The following IMMP2L variants were observed in gnomAD, a reference collection of about 807,000 sequenced individuals.
IMMP2L encodes the protein mitochondrial inner membrane protease subunit 2.
Under a neutral mutation model 19.3 loss-of-function variants are expected in IMMP2L, and 18 were observed. The observed-to-expected ratio is 0.93, with a 90% CI of 0.64 to 1.38. IMMP2L has a LOEUF of 1.38. Among genes scored for constraint, IMMP2L ranks in the 40% most tolerant of loss-of-function variants. The probability of loss-of-function intolerance (pLI) is 0.00; values close to 1 mark genes in which losing one functional copy is unlikely to be tolerated. For missense variants in IMMP2L, 233 were observed against 218.2 expected, an observed-to-expected ratio of 1.07 and a Z score of -0.43; for synonymous variants, 76 against 73.0, an observed-to-expected ratio of 1.04 and a Z score of -0.21.
intron 5 of IMMP2L, among the ~76,000 whole-genome samples, chr7:110,734,336 C>A (rs1796475575): frequency 6.6e-6 from 1 of 152,166 alleles, no homozygotes; most frequent in African/African-American, 2.4e-5. Flanking sequence ...AACAGCCATT[C>A]TTGTGATAGC....
chr7:111,446,083 G>C, intron 3 of IMMP2L, among the ~76,000 whole-genome samples: 1 of 151,858 alleles, frequency 6.6e-6, no homozygotes, highest in South Asian at 2.1e-4. Context: ...CTGATTGCTA[G>C]CACAGCAGTC....
chr7:111,157,763 G>C (rs1395844634), intron 3 of IMMP2L, among the ~76,000 whole-genome samples: 4 of 152,010 alleles, frequency 2.6e-5, no homozygotes, highest in Non-Finnish European at 4.4e-5. Flanking sequence ...ATAAATGCTT[G>C]AGGTAATCGA....
At chr7:110,741,126 T>C (rs1185415404) in intron 5 of IMMP2L, among the ~76,000 whole-genome samples, 2 of 152,132 alleles carry the variant, frequency 1.3e-5, no homozygotes, top group Non-Finnish European at 2.9e-5. Context: ...AAAATGTTTA[T>C]ATATACCATG....
chr7:110,691,854 G>C, intron 5 of IMMP2L, among the ~76,000 whole-genome samples: 2 of 152,206 alleles, frequency 1.3e-5, no homozygotes, highest in Non-Finnish European at 2.9e-5. Flanking sequence ...TCAACTGATA[G>C]TGGGAATGTA....
chr7:110,858,306 C>G (rs183046685), intron 5 of IMMP2L, among the ~76,000 whole-genome samples: 69 of 152,162 alleles, frequency 4.5e-4, no homozygotes, highest in African/African-American at 1.5e-3. Context: ...TACAGTAGGT[C>G]TAGATTAATA....
At chr7:111,225,291 A>G (rs1470652624) in intron 3 of IMMP2L, among the ~76,000 whole-genome samples, 1 of 152,154 alleles carries the variant, frequency 6.6e-6, no homozygotes, top group Non-Finnish European at 1.5e-5. Flanking sequence ...GTTATAAGAA[A>G]GCCTTATATT....
chr7:110,855,523 C>A (rs1806670662), intron 5 of IMMP2L, among the ~76,000 whole-genome samples: 1 of 151,910 alleles, frequency 6.6e-6, no homozygotes, highest in African/African-American at 2.4e-5. Context: ...AATGATCTTC[C>A]AAATTTCTCT....
intron 5 of IMMP2L, among the ~76,000 whole-genome samples, chr7:110,885,970 T>C (rs1220705286): frequency 6.6e-6 from 1 of 152,112 alleles, no homozygotes; most frequent in Non-Finnish European, 1.5e-5. Context: ...CAATTAGGTC[T>C]CTTTGTTCAA....
intron 2 of IMMP2L, among the ~76,000 whole-genome samples, chr7:111,511,490 C>T (rs1158087157): frequency 1.3e-5 from 2 of 151,570 alleles, no homozygotes; most frequent in Non-Finnish European, 2.9e-5. Context: ...ACCAAAAATA[C>T]CAAATAAAAT....
Position 111,562,307 on chromosome 7 carries a change from C to G in IMMP2L, c.-459G>C, listed in dbSNP as rs987764495. 1 of 152,192 alleles carries G rather than the reference C, an allele frequency of 6.6e-6. No homozygotes were observed. The highest frequency in any genetic ancestry group is 2.4e-5 in the African/African-American group (1 of 41,424). The allele number at this position is 152,192 out of a possible 1,614,324, so 9.4% of individuals were successfully genotyped here. ...CTCGCGGCCGCGCACCCCTCCGCCT[C>G]CCGGCAACGCCCGCCCCGCCGGGGC... On this transcript the variant is annotated 5_prime_UTR_variant, in exon 1 of 6. Coordinates refer to ENST00000405709, the MANE Select transcript of IMMP2L (RefSeq NM_032549.4).
chr7:110,865,845 C>G (rs115597534), intron 5 of IMMP2L, among the ~76,000 whole-genome samples: 1 of 151,214 alleles, frequency 6.6e-6, no homozygotes, highest in African/African-American at 2.4e-5. Context: ...ATTCTCCAAA[C>G]TAATTTTTTT....
chr7:110,745,433 C>T (rs4730458), intron 5 of IMMP2L, among the ~76,000 whole-genome samples: 151,969 of 152,056 alleles, frequency 1, 75,941 homozygotes, highest in Middle Eastern at 1. Context: ...AAGAGCAACT[C>T]CAAGACACAT....
intron 3 of IMMP2L, among the ~76,000 whole-genome samples, chr7:111,119,411 C>T (rs1457779555): frequency 6.6e-6 from 1 of 152,160 alleles, no homozygotes; most frequent in Non-Finnish European, 1.5e-5. Flanking sequence ...TGTTTTCCCT[C>T]TAGCTATTAA....
intron 3 of IMMP2L, among the ~76,000 whole-genome samples, chr7:111,469,618 C>T (rs112008851): frequency 6.9e-4 from 105 of 151,980 alleles, no homozygotes; most frequent in African/African-American, 1.7e-3. Flanking sequence ...AAACAAGCAA[C>T]GGGGAAAGGA....
chr7:110,804,158 C>T (rs552339212), intron 5 of IMMP2L, among the ~76,000 whole-genome samples: 16 of 151,998 alleles, frequency 1.1e-4, no homozygotes, highest in Non-Finnish European at 2.2e-4. Context: ...TTATCATCTC[C>T]AAACACCCAG....
rs181252209 is a variant in IMMP2L, at chr7:111,355,069, C to G, written c.239+132169G>C. Among the ~76,000 whole-genome samples the G allele has an allele frequency of 2.6e-3, 400 of 151,966 alleles. 3 individuals carry two copies. Among genetic ancestry groups the G allele is most frequent in the African/African-American group, 9.4e-3 (392 of 41,542 alleles). On this transcript the variant is annotated intron_variant, in intron 3 of 5. Transcript: ENST00000405709. Reference sequence around the variant, plus strand: ...TGAATTTAGTTTTTCCCAAGGTAATCTTTAGCAGCAGCATCCATGAATAAC... The same window carrying G: ...TGAATTTAGTTTTTCCCAAGGTAATGTTTAGCAGCAGCATCCATGAATAAC...
chr7:110,751,773 T>C (rs1224685648), intron 5 of IMMP2L, among the ~76,000 whole-genome samples: 1 of 152,050 alleles, frequency 6.6e-6, no homozygotes, highest in African/African-American at 2.4e-5. Flanking sequence ...ATGTGTAACA[T>C]TAAAATATTT....
chr7:111,389,522 T>C (rs1051023456), intron 3 of IMMP2L, among the ~76,000 whole-genome samples: 12 of 151,814 alleles, frequency 7.9e-5, no homozygotes, highest in South Asian at 4.2e-4. Context: ...ATGTCTCCAA[T>C]GTACTCTCAA....
chr7:110,787,334 C>A (rs538327452), intron 5 of IMMP2L, among the ~76,000 whole-genome samples: 1 of 151,946 alleles, frequency 6.6e-6, no homozygotes, highest in Admixed American at 6.6e-5. Context: ...TTTCTTGAAG[C>A]TTTTATCTCT....
Sources: gnomAD v4.1 joint callset for allele counts (sites outside exome capture counted in the v4.1 genomes callset) on GRCh38, gnomAD v4.1.1 for gene constraint, MANE v1.5 for transcripts, NCBI Gene and HGNC (gene_info 2026-07-23, HGNC 2026-07-21) for gene names.